GALNTL6: variants seen among roughly 807,000 people sequenced by gnomAD.
The protein encoded by GALNTL6 is polypeptide N-acetylgalactosaminyltransferase like 6.
In GALNTL6, 46 loss-of-function variants were observed where a neutral mutation model predicts 73.7. The observed-to-expected ratio is 0.62, with a 90% confidence interval of 0.49 to 0.80. GALNTL6 has a LOEUF of 0.80. GALNTL6 is among the 30% of genes least tolerant of loss of function. The pLI is 0.00. For missense variants in GALNTL6, 604 were observed against 755.0 expected (o/e 0.80, Z 2.34); for synonymous variants, 259 against 263.7 (o/e 0.98, Z 0.17).
intron 2 of GALNTL6, among the ~76,000 whole-genome samples, chr4:171,913,118 T>A (rs1334379608): frequency 6.6e-6 from 1 of 152,180 alleles, no homozygotes; most frequent in African/African-American, 2.4e-5. Flanking sequence ...TTTCCCAATC[T>A]TCTGATCAGA....
intron 2 of GALNTL6, among the ~76,000 whole-genome samples, chr4:172,033,276 G>A (rs1197868794): frequency 3.3e-5 from 5 of 151,934 alleles, no homozygotes; most frequent in Non-Finnish European, 5.9e-5. Flanking sequence ...AAGCACATTT[G>A]TCAAATGCTT....
chr4:172,046,624 A>T (rs981864269), intron 2 of GALNTL6, among the ~76,000 whole-genome samples: 4 of 152,144 alleles, frequency 2.6e-5, no homozygotes, highest in African/African-American at 9.7e-5. Flanking sequence ...ATGATCAACC[A>T]TGTTGAGCAT....
At chr4:172,684,096 T>C (rs550869768) in intron 5 of GALNTL6, among the ~76,000 whole-genome samples, 2 of 152,328 alleles carry the variant, frequency 1.3e-5, no homozygotes, top group East Asian at 1.9e-4. Context: ...CAGACACATC[T>C]ATATCTCTCT....
At chr4:171,959,176 A>G (rs970588515) in intron 2 of GALNTL6, among the ~76,000 whole-genome samples, 3 of 152,188 alleles carry the variant, frequency 2.0e-5, no homozygotes, top group Non-Finnish European at 4.4e-5. Context: ...ACATTGTACC[A>G]TTACAAAATA....
rs1322674935 is a variant in GALNTL6 at position 172,690,532 on chromosome 4, T to C, written c.554-118829T>C. ...AAAAACAAATAAGGCAATATTCTTA[T>C]GATGGCCATAAAGTGCTATGACAAC... On this transcript the variant is annotated intron_variant, in intron 5 of 12. Coordinates refer to ENST00000506823, the MANE Select transcript of GALNTL6 (RefSeq NM_001034845.3). 3.9e-5 allele frequency among the ~76,000 whole-genome samples: 6 copies of C among 152,216 alleles called. No homozygotes were observed. The South Asian group carries it at 1.0e-3, about 26-fold the overall frequency.
chr4:172,011,485 T>G (rs969204370), intron 2 of GALNTL6, among the ~76,000 whole-genome samples: 2 of 152,174 alleles, frequency 1.3e-5, no homozygotes, highest in Non-Finnish European at 2.9e-5. Flanking sequence ...GCCTTGCTTC[T>G]TATTTCAGTA....
At chr4:172,004,076 T>C (rs1352613211) in intron 2 of GALNTL6, among the ~76,000 whole-genome samples, 2 of 152,176 alleles carry the variant, frequency 1.3e-5, no homozygotes, top group Non-Finnish European at 2.9e-5. Context: ...GCATACCTAG[T>C]TCCTAGTAAT....
rs1750654487 is a variant in GALNTL6, at chr4:172,973,068, A to G, written c.1371+20810A>G. On this transcript the variant is annotated intron_variant, in intron 10 of 12. Transcript: ENST00000506823. ...GTTGAGGGATTTTATACAGATGCTC[A>G]GATAATAAATTCAAAAGGAAAGAAT... Among the ~76,000 whole-genome samples the G allele has an allele frequency of 2.0e-5, 3 of 152,206 alleles. No homozygotes were observed. The South Asian group carries it at 6.2e-4, about 31-fold the overall frequency.
At chr4:172,086,254 A>G (rs1732029759) in intron 2 of GALNTL6, among the ~76,000 whole-genome samples, 1 of 152,086 alleles carries the variant, frequency 6.6e-6, no homozygotes, top group African/African-American at 2.4e-5. Context: ...GAGTAATATA[A>G]TTATACATGA....
intron 10 of GALNTL6, among the ~76,000 whole-genome samples, chr4:172,995,395 A>G (rs1751733313): frequency 6.6e-6 from 1 of 152,172 alleles, no homozygotes; most frequent in Non-Finnish European, 1.5e-5. Flanking sequence ...AGGGGGCCAC[A>G]CTGTCTCCAC....
At chr4:172,771,759 GTTAAGT>G (rs1241805030) in intron 5 of GALNTL6, among the ~76,000 whole-genome samples, 1 of 152,134 alleles carries the variant, frequency 6.6e-6, no homozygotes, top group Non-Finnish European at 1.5e-5. Flanking sequence ...ATGTCTATGG[GTTAAGT>G]TTAAGAATTC....
intron 5 of GALNTL6, among the ~76,000 whole-genome samples, chr4:172,550,951 A>T (rs867924400): frequency 6.6e-6 from 1 of 152,190 alleles, no homozygotes; most frequent in Non-Finnish European, 1.5e-5. Flanking sequence ...CTGAGGTGAC[A>T]TTGAAACATA....
In GALNTL6 at chr4:172,784,883, G is replaced by A. The variant is rs959953554; in HGVS notation, c.554-24478G>A. Among the ~76,000 whole-genome samples, 15 of 152,208 alleles carry A rather than the reference G, an allele frequency of 9.9e-5. No homozygotes were observed. In the East Asian group the frequency reaches 1.5e-3, roughly 16 times the overall value. On this transcript the variant is annotated intron_variant, in intron 5 of 12. Coordinates refer to ENST00000506823, the MANE Select transcript of GALNTL6 (RefSeq NM_001034845.3). ...TACCCCTATGCAGCAAATGCCTAGC[G>A]CTTTCCTTTTGAACCCTATGACAGA...
At chr4:172,184,846 T>A (rs552932804) in intron 2 of GALNTL6, among the ~76,000 whole-genome samples, 1 of 151,742 alleles carries the variant, frequency 6.6e-6, no homozygotes, top group East Asian at 1.9e-4. Context: ...AGAGAGAGAG[T>A]GTGTTTTAAA....
chr4:172,182,041 G>A (rs963571648), intron 2 of GALNTL6, among the ~76,000 whole-genome samples: 1 of 152,112 alleles, frequency 6.6e-6, no homozygotes, highest in South Asian at 2.1e-4. Context: ...TTCATAAGCT[G>A]ATAAGCAACT....
chr4:172,682,476 T>C (rs1732682080), intron 5 of GALNTL6, among the ~76,000 whole-genome samples: 3 of 152,152 alleles, frequency 2.0e-5, no homozygotes, highest in Admixed American at 6.5e-5. Flanking sequence ...GTGTCTGTAA[T>C]AAAGACTTTG....
intron 8 of GALNTL6, among the ~76,000 whole-genome samples, chr4:172,888,979 C>G (rs1402769106): frequency 6.6e-6 from 1 of 151,700 alleles, no homozygotes; most frequent in Non-Finnish European, 1.5e-5. Flanking sequence ...TTTTTACATC[C>G]TTGGTTAGTG....
At chr4:172,202,782 C>T (rs1383787446) in intron 2 of GALNTL6, among the ~76,000 whole-genome samples, 1 of 152,148 alleles carries the variant, frequency 6.6e-6, no homozygotes, top group Non-Finnish European at 1.5e-5. Flanking sequence ...AGCAACCACA[C>T]ACCTACTATA....
chr4:172,751,357 T>C (rs1385032140), intron 5 of GALNTL6, among the ~76,000 whole-genome samples: 2 of 152,294 alleles, frequency 1.3e-5, no homozygotes, highest in East Asian at 1.9e-4. Context: ...TATATTGAGG[T>C]GGTGGGTAAC....
Sources: gnomAD v4.1 joint callset for allele counts (sites outside exome capture counted in the v4.1 genomes callset) on GRCh38, gnomAD v4.1.1 for gene constraint, MANE v1.5 for transcripts, NCBI Gene and HGNC (gene_info 2026-07-23, HGNC 2026-07-21) for gene names.